Variants in ANKRD17 observed in about 807,000 individuals in gnomAD.
ANKRD17 encodes ankyrin repeat domain 17.
Under a neutral mutation model 229.7 loss-of-function variants are expected in ANKRD17, and 19 were observed. That is an observed-to-expected ratio of 0.08 (90% CI 0.06 to 0.12). ANKRD17 has a LOEUF of 0.12. ANKRD17 is among the 10% of genes least tolerant of loss of function. The probability of loss-of-function intolerance (pLI) is 1.00; values close to 1 mark genes in which losing one functional copy is unlikely to be tolerated. For synonymous variants in ANKRD17, 1,112 were observed against 1,146.1 expected, an observed-to-expected ratio of 0.97 and a Z score of 0.60; for missense variants, 2,176 against 3,176.8, an observed-to-expected ratio of 0.68 and a Z score of 7.57.
chr4:73,109,503 A>G (rs562343032), intron 24 of ANKRD17, among the ~76,000 whole-genome samples: 2 of 152,264 alleles, frequency 1.3e-5, no homozygotes, highest in Admixed American at 1.3e-4. Context: ...TTCTTCTGAT[A>G]GTTCAATTTT....
chr4:73,084,359 A>G (rs1368889594), intron 30 of ANKRD17, among the ~76,000 whole-genome samples: 1 of 152,182 alleles, frequency 6.6e-6, no homozygotes, highest in Non-Finnish European at 1.5e-5. Context: ...AAAAAGAAAG[A>G]AAGAAAATCT....
intron 8 of ANKRD17, among the ~76,000 whole-genome samples, chr4:73,148,484 C>A (rs1034485838): frequency 1.3e-5 from 2 of 152,102 alleles, no homozygotes; most frequent in African/African-American, 4.8e-5. Flanking sequence ...TATTCCGCCC[C>A]CAAAGGAATA....
chr4:73,151,290 G>C, intron 7 of ANKRD17, 140 bp downstream of exon 7: 1 of 677,038 alleles, frequency 1.5e-6, no homozygotes. Context: ...AACTTTAATA[G>C]AAGTTAATGT....
rs114748116 is a variant in ANKRD17 at position 73,171,566 on chromosome 4, T to C, written c.547+5814A>G. ...GAAAACATGACCTCACCAAATGAAC[T>C]ATATAAGGCACCAGGGACCAATTCT... On this transcript the variant is annotated intron_variant, in intron 2 of 33. Transcript: ENST00000358602. 6.1e-3 allele frequency among the ~76,000 whole-genome samples: 932 copies of C among 152,270 alleles called. 11 individuals carry two copies. The highest frequency in any genetic ancestry group is 0.019 in the African/African-American group (776 of 41,548).
At chr4:73,182,820 T>C (rs1032075866) in intron 1 of ANKRD17, among the ~76,000 whole-genome samples, 3 of 152,224 alleles carry the variant, frequency 2.0e-5, no homozygotes, top group Non-Finnish European at 4.4e-5. Context: ...GACCAGATAA[T>C]TCTTTGTTGT....
intron 4 of ANKRD17, 104 bp downstream of exon 4, chr4:73,155,915 T>C (rs1731597387): frequency 1.3e-6 from 2 of 1,491,974 alleles, no homozygotes; most frequent in South Asian, 1.4e-5. Context: ...AAACTATTTG[T>C]TGAAATAATC....
Position 73,258,275 on chromosome 4 carries a change from C to T in ANKRD17, c.393+1G>A. ...TCCTTCCTTTGAAACCAGGCCCTTGCCTCAGAAACCTCCTCTTCCTCGTCG... is the reference window on the plus strand; with the variant it reads ...TCCTTCCTTTGAAACCAGGCCCTTGTCTCAGAAACCTCCTCTTCCTCGTCG... On this transcript the variant is annotated splice_donor_variant, in intron 1 of 33. Coordinates refer to ENST00000358602, the MANE Select transcript of ANKRD17 (RefSeq NM_032217.5). LOFTEE classifies it high-confidence loss of function. 6.2e-7 allele frequency: 1 copy of T among 1,613,828 alleles called. No individual in the cohort carries two copies.
chr4:73,091,508 T>A lies in ANKRD17; in HGVS notation c.6120A>T (p.Val2040=), dbSNP rs1169608727. ...GTGGTGATGGGGAAGATGGGGATGA[T>A]ACTGGATAGTGTTCTTTGGCAGTAG... is the stretch of plus-strand genomic sequence containing the variant. ...PMPTAKEHYP[V]SSPSSPSPPA... is the part of the protein sequence containing the mutation. The change falls in exon 29 of 34, where the codon GTA becomes GTT. Residue 2040 remains valine, a synonymous_variant. Coordinates refer to ENST00000358602, the MANE Select transcript of ANKRD17 (RefSeq NM_032217.5). 1.2e-6 allele frequency: 2 copies of A among 1,614,214 alleles called. No homozygotes were observed.
intron 2 of ANKRD17, among the ~76,000 whole-genome samples, chr4:73,166,725 T>G (rs1233987319): frequency 1.4e-5 from 2 of 147,130 alleles, no homozygotes; most frequent in African/African-American, 2.6e-5. Context: ...ATCCATAAAG[T>G]GAGAGAAATG....
At chr4:73,085,212 T>A in intron 30 of ANKRD17, 37 bp downstream of exon 30, 1 of 1,593,054 alleles carries the variant, frequency 6.3e-7, no homozygotes. Context: ...AGAAAACATA[T>A]GCAGATTCTT....
At position 73,251,521 on chromosome 4, in the gene ANKRD17, AC is replaced by A. The variant is rs1347891986; in HGVS notation, c.393+6754del. On this transcript the variant is annotated intron_variant, in intron 1 of 33. Coordinates refer to ENST00000358602, the MANE Select transcript of ANKRD17 (RefSeq NM_032217.5). ...ACCACCTTCAATTCCCTAATGACTT[AC>A]TTTTTTTTTTTTTTGAAAAGATGAA... Among the ~76,000 whole-genome samples, 298 of 151,408 alleles carry A rather than the reference AC, an allele frequency of 2.0e-3. 1 individual carries two copies. The highest frequency in any genetic ancestry group is 6.6e-3 in the African/African-American group (271 of 41,298).
At chr4:73,241,387 T>A (rs1744021253) in intron 1 of ANKRD17, among the ~76,000 whole-genome samples, 1 of 152,136 alleles carries the variant, frequency 6.6e-6, no homozygotes, top group Non-Finnish European at 1.5e-5. Context: ...AATGAATGGA[T>A]AAATAAAATG....
chr4:73,105,194 G>C lies in ANKRD17; in HGVS notation c.4402-2647C>G, dbSNP rs189327934. ...CTTTACATGGCACGGAGCTCTAAAAGTAAGCAGAATTAGCAAGTGTGGATC... is the reference window on the plus strand; with the variant it reads ...CTTTACATGGCACGGAGCTCTAAAACTAAGCAGAATTAGCAAGTGTGGATC... On this transcript the variant is annotated intron_variant, in intron 24 of 33. Transcript: ENST00000358602. 1.9e-3 allele frequency among the ~76,000 whole-genome samples: 285 copies of C among 152,186 alleles called. 7 individuals carry two copies. The highest frequency in any genetic ancestry group is 0.018 in the Admixed American group (273 of 15,288).
chr4:73,182,204 G>C (rs1416309529), intron 1 of ANKRD17, among the ~76,000 whole-genome samples: 1 of 151,798 alleles, frequency 6.6e-6, no homozygotes, highest in African/African-American at 2.4e-5. Flanking sequence ...TCTCTAAGGG[G>C]GGAAAAAAGT....
chr4:73,077,645 G>C lies in ANKRD17; in HGVS notation c.7409-112C>G, dbSNP rs879128101. 5 of 894,372 alleles carry C rather than the reference G, an allele frequency of 5.6e-6. No homozygotes were observed. In the Admixed American group the frequency reaches 1.7e-4, roughly 31 times the overall value. 55.4% of individuals were successfully genotyped at this position (894,372 alleles called of 1,614,324 possible). ...GAACCGTAAATTATTTCAATATAATGACCTACTTTTATATATTTACAGCAA... is the reference window on the plus strand; with the variant it reads ...GAACCGTAAATTATTTCAATATAATCACCTACTTTTATATATTTACAGCAA... On this transcript the variant is annotated intron_variant, in intron 31 of 33. Transcript: ENST00000358602.
chr4:73,124,705 G>A (rs1173458785), intron 18 of ANKRD17, among the ~76,000 whole-genome samples: 1 of 152,196 alleles, frequency 6.6e-6, no homozygotes. Context: ...ACTTTTAGAT[G>A]AGCAGGATTC....
Position 73,142,236 on chromosome 4 carries a change from T to A in ANKRD17, c.2229+6A>T, listed in dbSNP as rs1178426658. Reference sequence around the variant, plus strand: ...CCATAAAATGCTTTAATTTTTAAAATCTTACCCTATTTAAATCGTGGGATG... The same window carrying A: ...CCATAAAATGCTTTAATTTTTAAAAACTTACCCTATTTAAATCGTGGGATG... On this transcript the variant is annotated splice_donor_region_variant and intron_variant, in intron 13 of 33. Transcript: ENST00000358602. 4 of 1,540,400 alleles carry A rather than the reference T, an allele frequency of 2.6e-6. No individual in the cohort carries two copies. In the African/African-American group the frequency reaches 5.7e-5, roughly 22 times the overall value.
At chr4:73,203,775 A>AG (rs1416957487) in intron 1 of ANKRD17, among the ~76,000 whole-genome samples, 5 of 150,322 alleles carry the variant, frequency 3.3e-5, no homozygotes, top group African/African-American at 4.9e-5. Context: ...AAAAAAAAAA[A>AG]AAAAGAAAAA....
chr4:73,221,122 T>C (rs1741795322), intron 1 of ANKRD17, among the ~76,000 whole-genome samples: 1 of 152,068 alleles, frequency 6.6e-6, no homozygotes, highest in African/African-American at 2.4e-5. Flanking sequence ...GTTACCAAGA[T>C]TGACAAATAT....
Sources: gnomAD v4.1 joint callset for allele counts (sites outside exome capture counted in the v4.1 genomes callset) on GRCh38, gnomAD v4.1.1 for gene constraint, MANE v1.5 for transcripts, NCBI Gene and HGNC (gene_info 2026-07-23, HGNC 2026-07-21) for gene names.